Variants in WASF3 observed in about 807,000 individuals in gnomAD.
WASF3 encodes WASP family member 3, also known as actin-binding protein WASF3.
A neutral mutation model predicts 46.6 loss-of-function variants in WASF3; 11 were observed. The observed-to-expected ratio is 0.24, with a 90% confidence interval of 0.15 to 0.39. The LOEUF (loss-of-function observed/expected upper bound fraction) is 0.39. Among genes scored for constraint, WASF3 ranks in the 10% least tolerant of loss-of-function variants. The pLI is 1.00. For synonymous variants in WASF3, 242 were observed against 259.7 expected (o/e 0.93, Z 0.65); for missense variants, 576 against 669.8 (o/e 0.86, Z 1.55).
At chr13:26,641,243 T>A (rs1379889595) in intron 2 of WASF3, 2 of 152,204 alleles carry the variant, frequency 1.3e-5, no homozygotes, top group African/African-American at 4.8e-5. Flanking sequence ...CCCCACCTGT[T>A]TTATCTCCCC....
chr13:26,612,219 T>C (rs868139998), intron 1 of WASF3, among the ~76,000 whole-genome samples: 2 of 152,240 alleles, frequency 1.3e-5, no homozygotes, highest in Non-Finnish European at 2.9e-5. Flanking sequence ...AAAGAGGGGC[T>C]GACTTCTACA....
rs1883491588 is a variant in WASF3, at chr13:26,688,924, C to CTAA, written c.*3079_*3080insTAA. 1 of 151,910 alleles carries CTAA rather than the reference C, an allele frequency of 6.6e-6. No individual in the cohort carries two copies. Among genetic ancestry groups the CTAA allele is most frequent in the Non-Finnish European group, 1.5e-5 (1 of 67,996 alleles). The allele number at this position is 151,910 out of a possible 1,614,324, so 9.4% of individuals were successfully genotyped here. A position where few individuals can be genotyped will look rare whatever the true frequency, so the allele number is the denominator to read the frequency against. On this transcript the variant is annotated 3_prime_UTR_variant, in exon 10 of 10. Coordinates refer to ENST00000335327, the MANE Select transcript of WASF3 (RefSeq NM_006646.6). Reference sequence around the variant, plus strand: ...ATCTAAATAAAATTACACTTTTAACCCTAAGAGGTTTTGCTTATTAATAAC... The same window carrying CTAA: ...ATCTAAATAAAATTACACTTTTAACCTAACTAAGAGGTTTTGCTTATTAATAAC...
chr13:26,553,452 G>C (rs996919295), upstream of WASF3, among the ~76,000 whole-genome samples: 8 of 151,822 alleles, frequency 5.3e-5, no homozygotes, highest in Non-Finnish European at 1.2e-4. Context: ...TTTTATTTTG[G>C]AGATATATGC....
intron 2 of WASF3, among the ~76,000 whole-genome samples, chr13:26,614,644 A>G (rs566606814): frequency 6.6e-6 from 1 of 152,276 alleles, no homozygotes; most frequent in African/African-American, 2.4e-5. Flanking sequence ...CTTCCTATCC[A>G]ATTTATATGA....
chr13:26,572,933 G>C (rs943676731), intron 1 of WASF3, among the ~76,000 whole-genome samples: 3 of 152,110 alleles, frequency 2.0e-5, no homozygotes, highest in Admixed American at 6.6e-5. Context: ...ATGTGATATT[G>C]GTTTGTAATG....
intron 3 of WASF3, among the ~76,000 whole-genome samples, chr13:26,654,540 G>A (rs2137439517): frequency 6.6e-6 from 1 of 152,258 alleles, no homozygotes. Context: ...ATTTCTTCAA[G>A]CAACAAGGAC....
At chr13:26,677,837 G>A (rs1424313792) in intron 7 of WASF3, among the ~76,000 whole-genome samples, 2 of 152,134 alleles carry the variant, frequency 1.3e-5, no homozygotes, top group Non-Finnish European at 2.9e-5. Flanking sequence ...CTCCCATGAT[G>A]TCAATCTGCT....
chr13:26,541,154 GCTCTTGGGATC>G, the WASF3 span, among the ~76,000 whole-genome samples: 1 of 152,086 alleles, frequency 6.6e-6, no homozygotes, highest in Non-Finnish European at 1.5e-5. Flanking sequence ...ATGTAACATA[GCTCTTGGGATC>G]CTGGTTCTCA....
At chr13:26,614,463 A>G (rs1301492759) in intron 2 of WASF3, among the ~76,000 whole-genome samples, 1 of 152,250 alleles carries the variant, frequency 6.6e-6, no homozygotes, top group Non-Finnish European at 1.5e-5. Flanking sequence ...AATGAAAAGG[A>G]AAGCGTAACG....
intron 1 of WASF3, among the ~76,000 whole-genome samples, chr13:26,563,233 T>C (rs1045512575): frequency 6.6e-6 from 1 of 152,140 alleles, no homozygotes; most frequent in South Asian, 2.1e-4. Context: ...TTTTTATTTT[T>C]ATTTTTTGTA....
intron 1 of WASF3, among the ~76,000 whole-genome samples, chr13:26,572,867 A>C (rs11616967): frequency 0.014 from 2,179 of 152,158 alleles, 28 homozygotes; most frequent in Non-Finnish European, 0.023. Context: ...ATAAACTCTT[A>C]ATGTGGTGTT....
chr13:26,575,933 C>A (rs1478050775), intron 1 of WASF3, among the ~76,000 whole-genome samples: 1 of 152,076 alleles, frequency 6.6e-6, no homozygotes, highest in Non-Finnish European at 1.5e-5. Flanking sequence ...TGTTCTTGGT[C>A]AGTTTTCCCC....
At chr13:26,634,815 C>G (rs1399074491) in intron 2 of WASF3, among the ~76,000 whole-genome samples, 1 of 152,156 alleles carries the variant, frequency 6.6e-6, no homozygotes, top group African/African-American at 2.4e-5. Context: ...AATATTGGCC[C>G]CCATTCTCTT....
At chr13:26,588,113 T>C (rs987843703) in intron 1 of WASF3, among the ~76,000 whole-genome samples, 3 of 152,208 alleles carry the variant, frequency 2.0e-5, no homozygotes, top group Non-Finnish European at 2.9e-5. Context: ...GTAAATAATG[T>C]TCTTAAGCAG....
chr13:26,547,667 C>T, the WASF3 span, among the ~76,000 whole-genome samples: 6 of 152,150 alleles, frequency 3.9e-5, no homozygotes, highest in Non-Finnish European at 8.8e-5. Flanking sequence ...ATACTTCTCC[C>T]GGCTCTTGTA....
rs140710155 is a variant in WASF3, at chr13:26,682,530, C to A, written c.984-77C>A. On this transcript the variant is annotated intron_variant, in intron 8 of 9. Transcript: ENST00000335327. This position sits in a 1 kb window ranked among gnomAD's most constrained non-coding sequence, Gnocchi z 4.4. ...TACGTGTTGTGTCTGGGGATGGCTC[C>A]GTTAGGTGTCTAAGAGCTCCCAGGA... 136 of 1,575,608 alleles carry A rather than the reference C, an allele frequency of 8.6e-5. No homozygotes were observed. The African/African-American group carries it at 1.7e-3, about 20-fold the overall frequency.
chr13:26,558,930 C>T (rs1051336550), intron 1 of WASF3, among the ~76,000 whole-genome samples: 2 of 152,098 alleles, frequency 1.3e-5, no homozygotes, highest in Non-Finnish European at 2.9e-5. Flanking sequence ...GCTTAAAATG[C>T]GACTCTATCA....
At chr13:26,586,422 C>A (rs541213841) in intron 1 of WASF3, among the ~76,000 whole-genome samples, 1 of 152,282 alleles carries the variant, frequency 6.6e-6, no homozygotes, top group African/African-American at 2.4e-5. Context: ...TAAAATGTCA[C>A]ATCCATCTTA....
At chr13:26,623,818 A>G (rs1881383855) in intron 2 of WASF3, among the ~76,000 whole-genome samples, 1 of 152,346 alleles carries the variant, frequency 6.6e-6, no homozygotes, top group Non-Finnish European at 1.5e-5. Flanking sequence ...CCTTTGTGAC[A>G]TAAATGTCAA....
Sources: gnomAD v4.1 joint callset for allele counts (sites outside exome capture counted in the v4.1 genomes callset) on GRCh38, gnomAD v4.1.1 for gene constraint, Gnocchi (gnomAD v3.1) non-coding constraint, MANE v1.5 for transcripts, NCBI Gene and HGNC (gene_info 2026-07-23, HGNC 2026-07-21) for gene names.